The following GPR137 variants were observed in gnomAD, a reference collection of about 807,000 sequenced individuals.
GPR137 encodes the protein G protein-coupled receptor 137.
A neutral mutation model predicts 38.9 loss-of-function variants in GPR137; 20 were observed. The observed-to-expected ratio is 0.51, with a 90% CI of 0.36 to 0.75. The LOEUF is 0.75. GPR137 is among the 30% of genes least tolerant of loss of function. The pLI is 0.00. For synonymous variants in GPR137, 226 were observed against 235.8 expected (o/e 0.96, Z 0.38); for missense variants, 456 against 526.4 (o/e 0.87, Z 1.31).
chr11:64,288,820 C>T lies in GPR137; in HGVS notation c.1031+99C>T, dbSNP rs2034453226. The T allele has an allele frequency of 6.2e-6, 9 of 1,450,080 alleles. No homozygotes were observed. In the South Asian group the frequency reaches 8.7e-5, roughly 14 times the overall value. 89.8% of individuals were successfully genotyped at this position (1,450,080 alleles called of 1,614,324 possible). A position where few individuals can be genotyped will look rare whatever the true frequency, so the allele number is the denominator to read the frequency against. The stretch of plus-strand genomic sequence containing the variant: ...ACCGAGATAGCCGGGTCTTGCCTTC[C>T]ACCCCTGCCATGGCCTTTGCTTCCC... On this transcript the variant is annotated intron_variant, in intron 6 of 6. Coordinates refer to ENST00000438980, the MANE Select transcript of GPR137 (RefSeq NM_001170880.2). The surrounding 1 kb of genome is among the most constrained non-coding windows in gnomAD (Gnocchi z 5.5).
chr11:64,271,830 C>T (rs769442984), upstream of GPR137: 3 of 1,359,586 alleles, frequency 2.2e-6, no homozygotes, highest in Non-Finnish European at 2.8e-6. Flanking sequence ...GGTAGGGGGG[C>T]GACGTTAATC....
rs1049198059 is a variant in GPR137, at chr11:64,285,935, C to T, written c.-590C>T. Reference sequence around the variant, plus strand: ...CAGCGGCCTGAGGACCTGGCGTCCGCCTCCTCCCTCCCCTTGAGGCTGGAG... The same window carrying T: ...CAGCGGCCTGAGGACCTGGCGTCCGTCTCCTCCCTCCCCTTGAGGCTGGAG... On this transcript the variant is annotated 5_prime_UTR_variant, in exon 1 of 7. Transcript: ENST00000438980. The T allele has an allele frequency of 1.0e-6, 1 of 964,658 alleles. No homozygotes were observed. The highest frequency in any genetic ancestry group is 1.2e-6 in the Non-Finnish European group (1 of 811,006). 59.8% of individuals were successfully genotyped at this position (964,658 alleles called of 1,614,324 possible).
upstream of GPR137, among the ~76,000 whole-genome samples, chr11:64,281,189 A>G (rs917119229): frequency 2.0e-5 from 3 of 151,450 alleles, no homozygotes; most frequent in African/African-American, 7.3e-5. Context: ...AATGGTCTCT[A>G]TCTCCTGACC....
In GPR137 at chr11:64,286,704, G is replaced by C. The variant is rs770159399; in HGVS notation, c.180G>C (p.Thr60=). The C allele has an allele frequency of 1.9e-6, 3 of 1,613,706 alleles. No individual in the cohort carries two copies. The South Asian group carries it at 3.3e-5, about 18-fold the overall frequency. The change falls in exon 1 of 7, where the codon ACG becomes ACC. Residue 60 remains threonine (T), a synonymous_variant. Transcript: ENST00000438980. The part of the protein sequence containing the change: ...LYGHKRLSYQ[T]VFLALCLLWA... Reference sequence around the variant, plus strand: ...GGCACAAGCGTCTCAGCTATCAGACGGTGTTCCTGGCCCTCTGTCTGCTCT... The same window carrying C: ...GGCACAAGCGTCTCAGCTATCAGACCGTGTTCCTGGCCCTCTGTCTGCTCT...
At chr11:64,285,519 G>A (rs532101798), upstream of GPR137, 214 of 985,170 alleles carry the variant, frequency 2.2e-4, no homozygotes, top group Non-Finnish European at 2.3e-4. Flanking sequence ...ACCGAGGGAC[G>A]GGAATCCGTT....
At chr11:64,272,481 C>G (rs1184734171), upstream of GPR137, among the ~76,000 whole-genome samples, 2 of 152,134 alleles carry the variant, frequency 1.3e-5, no homozygotes, top group African/African-American at 2.4e-5. Context: ...TTGAATGCCT[C>G]CTCTGCAAGG....
At chr11:64,276,326 A>G (rs994163558) in intron 1 of GPR137, 1 of 53,794 alleles carries the variant, frequency 1.9e-5, no homozygotes, top group Non-Finnish European at 4.5e-5. Flanking sequence ...ATATATATAT[A>G]TATGTATTTT....
Position 64,285,862 on chromosome 11 carries a change from C to T in GPR137, c.-663C>T, listed in dbSNP as rs1050321815. 1 of 982,250 alleles carries T rather than the reference C, an allele frequency of 1.0e-6. No individual in the cohort carries two copies. The highest frequency in any genetic ancestry group is 1.2e-6 in the Non-Finnish European group (1 of 827,536). The allele number at this position is 982,250 out of a possible 1,614,324, so 60.8% of individuals were successfully genotyped here. On this transcript the variant is annotated 5_prime_UTR_variant, in exon 1 of 7. Transcript: ENST00000438980. ...GGGAGGGGGGCGGAGCAGCGGGAGC[C>T]GGGGAGCCGGAGCCCCGGGTCCCCA...
upstream of GPR137, chr11:64,271,694 C>A: frequency 6.8e-7 from 1 of 1,470,166 alleles, no homozygotes; most frequent in Non-Finnish European, 9.0e-7. Context: ...TGGGGGGCGC[C>A]GAGCGCGAGC....
Position 64,286,784 on chromosome 11 carries a change from C to T in GPR137, c.260C>T (p.Ala87Val). 1 of 1,609,630 alleles carries T rather than the reference C, an allele frequency of 6.2e-7. No homozygotes were observed. Among genetic ancestry groups the T allele is most frequent in the South Asian group, 1.1e-5 (1 of 90,550 alleles). Residue 87 changes from alanine (A) to valine (V), a missense_variant, in exon 1 of 7, where the codon GCC (alanine) becomes GTC (valine). By Grantham distance (64) the Ala-to-Val change is moderately conservative (BLOSUM62 0). Coordinates refer to ENST00000438980, the MANE Select transcript of GPR137 (RefSeq NM_001170880.2). ...TTCTACTTCCGAGATACTCCCCGCG[C>T]CAACCGCCTGGGGCCCTTGCCCTTC... Reference protein sequence around the residue: ...FSFYFRDTPRANRLGPLPFWL... With the variant: ...FSFYFRDTPRVNRLGPLPFWL...
rs756427620 is a variant in GPR137, at chr11:64,286,830, C to A, written c.306C>A (p.Pro102=). Residue 102 remains proline (P), a synonymous_variant, in exon 1 of 7, where the codon CCC becomes CCA. Coordinates refer to ENST00000438980, the MANE Select transcript of GPR137 (RefSeq NM_001170880.2). ...CCTTCTGGCTTCTCTACTGCTGCCCCGTCTGCCTGCAGTTCTTCACCTTGA... is the reference window on the plus strand; with the variant it reads ...CCTTCTGGCTTCTCTACTGCTGCCCAGTCTGCCTGCAGTTCTTCACCTTGA... ...PLPFWLLYCC[P]VCLQFFTLTL... 1 of 1,596,442 alleles carries A rather than the reference C, an allele frequency of 6.3e-7. No homozygotes were observed. The highest frequency in any genetic ancestry group is 1.7e-5 in the Admixed American group (1 of 59,024).
chr11:64,280,850 T>C (rs2033420955), upstream of GPR137, among the ~76,000 whole-genome samples: 1 of 149,320 alleles, frequency 6.7e-6, no homozygotes, highest in African/African-American at 2.5e-5. Context: ...GTATTTGTAG[T>C]AGAGACAGGA....
rs2034363831 is a variant in GPR137, at chr11:64,288,266, C to T, written c.783+52C>T. The T allele has an allele frequency of 6.2e-7, 1 of 1,609,834 alleles. No homozygotes were observed. The highest frequency in any genetic ancestry group is 2.2e-5 in the East Asian group (1 of 44,788). On this transcript the variant is annotated intron_variant, in intron 4 of 6. Coordinates refer to ENST00000438980, the MANE Select transcript of GPR137 (RefSeq NM_001170880.2). The surrounding 1 kb of genome is among the most constrained non-coding windows in gnomAD (Gnocchi z 5.5). ...CTTAGTAGCCGTGGCACCTTGGCCCCAGCTGGCCTGGGCCCTGTCCCACTA... is the reference window on the plus strand; with the variant it reads ...CTTAGTAGCCGTGGCACCTTGGCCCTAGCTGGCCTGGGCCCTGTCCCACTA...
At chr11:64,278,507 C>G (rs1490813211) in intron 2 of GPR137, among the ~76,000 whole-genome samples, 4 of 152,068 alleles carry the variant, frequency 2.6e-5, no homozygotes, top group African/African-American at 9.7e-5. Flanking sequence ...CCTATATTAA[C>G]TCATCAGGTC....
upstream of GPR137, chr11:64,284,398 T>A (rs368562037): frequency 1.9e-6 from 3 of 1,611,416 alleles, no homozygotes; most frequent in Admixed American, 1.7e-5. Context: ...AGATGTTACG[T>A]AGTCAAGGCA....
At chr11:64,271,502 G>A, upstream of GPR137, 1 of 1,151,408 alleles carries the variant, frequency 8.7e-7, no homozygotes, top group Non-Finnish European at 1.1e-6. Context: ...ACGGCTTTGG[G>A]GAGGGGTCGT....
chr11:64,271,843 A>C, upstream of GPR137: 1 of 1,336,836 alleles, frequency 7.5e-7, no homozygotes, highest in Non-Finnish European at 9.6e-7. Flanking sequence ...CGTTAATCTC[A>C]GCTCCTCTAA....
At chr11:64,273,094 C>T (rs1371089231), upstream of GPR137, among the ~76,000 whole-genome samples, 10 of 152,332 alleles carry the variant, frequency 6.6e-5, no homozygotes, top group Admixed American at 4.6e-4. Flanking sequence ...GAAGGCCAGA[C>T]GTGGTGGCTC....
chr11:64,288,096 G>A lies in GPR137; in HGVS notation c.665G>A (p.Gly222Asp). 1 of 1,611,938 alleles carries A rather than the reference G, an allele frequency of 6.2e-7. No homozygotes were observed. The highest frequency in any genetic ancestry group is 8.5e-7 in the Non-Finnish European group (1 of 1,179,962). ...GTSVCQAAAM[G>D]GAMVLLYASR... is the part of the protein sequence containing the mutation. ...AGTGTGTGCCAGGCGGCCGCGATGG[G>A]TGGCGCCATGGTCCTGCTCTATGCC... Residue 222 changes from glycine (G) to aspartate (D), a missense_variant, in exon 4 of 7, where the codon GGT (glycine) becomes GAT (aspartate). By Grantham distance (94) the Gly-to-Asp change is moderately conservative (BLOSUM62 -1). Coordinates refer to ENST00000438980, the MANE Select transcript of GPR137 (RefSeq NM_001170880.2). This position sits in a 1 kb window ranked among gnomAD's most constrained non-coding sequence, Gnocchi z 5.5.
Sources: allele counts gnomAD v4.1 joint callset (sites outside exome capture counted in the v4.1 genomes callset), GRCh38; gene constraint gnomAD v4.1.1; non-coding constraint Gnocchi (gnomAD v3.1); transcripts MANE v1.5; gene names NCBI Gene and HGNC (gene_info 2026-07-23, HGNC 2026-07-21).